Variants in CDH3 observed in about 807,000 individuals in gnomAD.
The protein encoded by CDH3 is cadherin 3.
CDH3 carries 54 observed loss-of-function variants against 82.0 expected under a neutral mutation model. That is an observed-to-expected ratio of 0.66 (90% CI 0.53 to 0.83). The LOEUF (loss-of-function observed/expected upper bound fraction) is 0.83, where lower values mean the gene tolerates loss of function less well. CDH3 is among the 40% of genes least tolerant of loss of function. The pLI is 0.00. For synonymous variants in CDH3, 446 were observed against 437.9 expected (o/e 1.02, Z -0.23); for missense variants, 1,054 against 1,084.6 (o/e 0.97, Z 0.40).
intron 9 of CDH3, among the ~76,000 whole-genome samples, chr16:68,683,652 A>C (rs1319597682): frequency 2.9e-5 from 2 of 67,958 alleles, no homozygotes; most frequent in Admixed American, 2.6e-4. Flanking sequence ...ACTCTGTCTC[A>C]AAAAAAAAAA....
chr16:68,689,337 T>C (rs1293095189), intron 12 of CDH3, among the ~76,000 whole-genome samples: 2 of 151,998 alleles, frequency 1.3e-5, no homozygotes, highest in Non-Finnish European at 1.5e-5. Context: ...GTCAAGACTG[T>C]CCTGGCCAAC....
At chr16:68,659,692 A>C (rs972508059) in intron 2 of CDH3, among the ~76,000 whole-genome samples, 18 of 152,112 alleles carry the variant, frequency 1.2e-4, no homozygotes, top group African/African-American at 4.3e-4. Flanking sequence ...TTCAAAAAAA[A>C]CCAAAAAATA....
intron 2 of CDH3, among the ~76,000 whole-genome samples, chr16:68,661,812 C>T (rs1192271804): frequency 6.6e-6 from 1 of 152,194 alleles, no homozygotes; most frequent in African/African-American, 2.4e-5. Flanking sequence ...CCTCAGCCTC[C>T]CAAGTAGCTG....
intron 2 of CDH3, among the ~76,000 whole-genome samples, chr16:68,674,219 AG>A (rs1960970003): frequency 1.3e-5 from 2 of 152,096 alleles, no homozygotes; most frequent in South Asian, 4.1e-4. Flanking sequence ...TTTCTTTTAT[AG>A]CCATCCTAGT....
At chr16:68,681,572 A>G (rs1961230676) in intron 8 of CDH3, among the ~76,000 whole-genome samples, 1 of 152,224 alleles carries the variant, frequency 6.6e-6, no homozygotes, top group Admixed American at 6.5e-5. Flanking sequence ...GCGGTGGCTC[A>G]CACCTGTAAT....
In CDH3 at chr16:68,645,635, G is replaced by A; in HGVS notation, c.46-1G>A. 1 of 1,541,550 alleles carries A rather than the reference G, an allele frequency of 6.5e-7. No individual in the cohort carries two copies. Among genetic ancestry groups the A allele is most frequent in the African/African-American group, 1.4e-5 (1 of 73,112 alleles). On this transcript the variant is annotated splice_acceptor_variant, in intron 1 of 15. Transcript: ENST00000264012. LOFTEE classifies it high-confidence loss of function. Reference sequence around the variant, plus strand: ...CCTTCACTCTCTGCCCTCGGGCGCAGGTTTGCTGGCTGCAGTGCGCGGCCT... The same window carrying A: ...CCTTCACTCTCTGCCCTCGGGCGCAAGTTTGCTGGCTGCAGTGCGCGGCCT...
In CDH3 at chr16:68,685,355, G is replaced by A; in HGVS notation, c.1570+5G>A. The A allele has an allele frequency of 1.2e-6, 2 of 1,613,874 alleles. No homozygotes were observed. The highest frequency in any genetic ancestry group is 1.7e-6 in the Non-Finnish European group (2 of 1,179,996). On this transcript the variant is annotated splice_donor_5th_base_variant and intron_variant, in intron 11 of 15. Transcript: ENST00000264012. The stretch of plus-strand genomic sequence containing the variant: ...TGGTCTTGGCCATGGACAATGGTGA[G>A]AGCATCCTCCCAGCCCTCCCACAAG...
chr16:68,721,229 C>T (rs372947363), intron 1 of CDH3, among the ~76,000 whole-genome samples: 16 of 114,568 alleles, frequency 1.4e-4, no homozygotes, highest in Middle Eastern at 5.1e-3. Context: ...GCAGTTTAGT[C>T]TTTTTTTTTT....
At chr16:68,711,121 A>C (rs1042026534) in intron 1 of CDH3, among the ~76,000 whole-genome samples, 10 of 151,232 alleles carry the variant, frequency 6.6e-5, no homozygotes, top group African/African-American at 2.4e-4. Context: ...GACCAGCCTG[A>C]CCAACATGGA....
intron 15 of CDH3, 67 bp downstream of exon 15, chr16:68,695,990 C>G (rs771042756): frequency 6.5e-7 from 1 of 1,546,668 alleles, no homozygotes; most frequent in South Asian, 1.1e-5. Context: ...CACAGGAGAA[C>G]AAGCATGGGC....
rs748031385 is a variant in CDH3, at chr16:68,681,010, G to C, written c.910G>C (p.Asp304His). 1 of 1,614,108 alleles carries C rather than the reference G, an allele frequency of 6.2e-7. No homozygotes were observed. Among genetic ancestry groups the C allele is most frequent in the South Asian group, 1.1e-5 (1 of 91,074 alleles). The change falls in exon 8 of 16, where the codon GAT becomes CAT. Residue 304 changes from aspartate to histidine, a missense_variant. By Grantham distance (81) the Asp-to-His change is moderately conservative. Transcript: ENST00000264012. ...YTLTIQATDM[D>H]GDGSTTTAVA... ...ACTGACCATCCAGGCCACAGACATG[G>C]ATGGGGACGGCTCCACCACCACGGC... is the stretch of plus-strand genomic sequence containing the variant.
At chr16:68,690,017 T>G (rs1961521514) in intron 12 of CDH3, among the ~76,000 whole-genome samples, 1 of 152,168 alleles carries the variant, frequency 6.6e-6, no homozygotes, top group African/African-American at 2.4e-5. Context: ...GGCCTTTCTT[T>G]AAAGAGGCCA....
the CDH3 span, among the ~76,000 whole-genome samples, chr16:68,733,030 A>G: frequency 6.6e-6 from 1 of 152,106 alleles, no homozygotes; most frequent in African/African-American, 2.4e-5. Flanking sequence ...AAGGGAATGT[A>G]TTGGGCCAAG....
intron 2 of CDH3, among the ~76,000 whole-genome samples, chr16:68,675,877 G>C (rs867879336): frequency 6.6e-6 from 1 of 152,172 alleles, no homozygotes; most frequent in South Asian, 2.1e-4. Context: ...TTCACCTCCA[G>C]CTGGTGAATG....
chr16:68,658,824 G>T (rs1567439355), intron 2 of CDH3, among the ~76,000 whole-genome samples: 2 of 152,142 alleles, frequency 1.3e-5, no homozygotes, highest in African/African-American at 4.8e-5. Context: ...GTTTATCCCT[G>T]CTTTTGGCCT....
chr16:68,669,620 G>A (rs916510834), intron 2 of CDH3, among the ~76,000 whole-genome samples: 1 of 151,954 alleles, frequency 6.6e-6, no homozygotes, highest in Non-Finnish European at 1.5e-5. Context: ...GGGTGGCGGG[G>A]GGGGTGGGCG....
chr16:68,710,655 C>T (rs1962014845), intron 1 of CDH3, among the ~76,000 whole-genome samples: 1 of 151,002 alleles, frequency 6.6e-6, no homozygotes, highest in African/African-American at 2.4e-5. Context: ...ACCAGCCTGG[C>T]CAACATGGCA....
At chr16:68,659,052 C>T (rs1960487230) in intron 2 of CDH3, among the ~76,000 whole-genome samples, 1 of 152,084 alleles carries the variant, frequency 6.6e-6, no homozygotes, top group African/African-American at 2.4e-5. Context: ...AGATAAAGTT[C>T]TTAGTACTTT....
In CDH3 at chr16:68,691,797, G is replaced by A. The variant is rs1445978383; in HGVS notation, c.1873G>A (p.Gly625Ser). The A allele has an allele frequency of 9.9e-6, 16 of 1,614,034 alleles. No individual in the cohort carries two copies. In the East Asian group the frequency reaches 3.6e-4, roughly 36 times the overall value. The change falls in exon 13 of 16, where the codon GGC (glycine) becomes AGC (serine). Residue 625 changes from glycine (G) to serine (S), a missense_variant. Coordinates refer to ENST00000264012, the MANE Select transcript of CDH3 (RefSeq NM_001793.6). Reference protein sequence around the residue: ...YDVHLSLSDHGNKEQLTVIRA... With the variant: ...YDVHLSLSDHSNKEQLTVIRA... Reference sequence around the variant, plus strand: ...CGTGCACCTTTCTCTGTCTGACCATGGCAACAAAGAGCAGCTGACGGTGAT... The same window carrying A: ...CGTGCACCTTTCTCTGTCTGACCATAGCAACAAAGAGCAGCTGACGGTGAT...
Sources: gnomAD v4.1 joint callset for allele counts (sites outside exome capture counted in the v4.1 genomes callset) on GRCh38, gnomAD v4.1.1 for gene constraint, MANE v1.5 for transcripts, NCBI Gene and HGNC (gene_info 2026-07-23, HGNC 2026-07-21) for gene names.